STARD9: variants seen among roughly 807,000 people sequenced by gnomAD.
STARD9 encodes the protein stAR-related lipid transfer protein 9.
STARD9 carries 346 observed loss-of-function variants against 399.8 expected under a neutral mutation model. The observed-to-expected ratio is 0.87, with a 90% confidence interval of 0.79 to 0.95. The LOEUF (loss-of-function observed/expected upper bound fraction) is 0.95. Among genes scored for constraint, STARD9 ranks in the 40% least tolerant of loss-of-function variants. The pLI, the probability that STARD9 is intolerant of heterozygous loss-of-function variation, is 0.00. For missense variants in STARD9, 5,832 were observed against 5,667.5 expected (o/e 1.03, Z -0.93); for synonymous variants, 2,203 against 2,143.5 (o/e 1.03, Z -0.77).
Position 42,699,392 on chromosome 15 carries a change from C to CTTTTTTTTTTTTTTTTTTTTTTTT in STARD9, c.13284+3532_13284+3533insTTTTTTTTTTTTTTTTTTTTTTTT, listed in dbSNP as rs34614271. Reference sequence around the variant, plus strand: ...TCTATGAGATCAACTTTTTTCTTTTCTTTTTTTTTTTTTTTTTTTTGAGAT... The same window carrying CTTTTTTTTTTTTTTTTTTTTTTTT: ...TCTATGAGATCAACTTTTTTCTTTTCTTTTTTTTTTTTTTTTTTTTTTTTTTTTTTTTTTTTTTTTTTTTGAGAT... On this transcript the variant is annotated intron_variant, in intron 26 of 32. Coordinates refer to ENST00000290607, the MANE Select transcript of STARD9 (RefSeq NM_020759.3). Among the ~76,000 whole-genome samples the CTTTTTTTTTTTTTTTTTTTTTTTT allele has an allele frequency of 3.1e-4, 35 of 113,290 alleles. 1 individual carries two copies. Among genetic ancestry groups the CTTTTTTTTTTTTTTTTTTTTTTTT allele is most frequent in the East Asian group, 1.3e-3 (5 of 3,924 alleles). 74.3% of individuals were successfully genotyped at this position (113,290 alleles called of 152,430 possible). A position where few individuals can be genotyped will look rare whatever the true frequency, so the allele number is the denominator to read the frequency against.
intron 7 of STARD9, among the ~76,000 whole-genome samples, chr15:42,643,001 G>C (rs963801413): frequency 2.0e-5 from 3 of 150,506 alleles, no homozygotes; most frequent in African/African-American, 7.3e-5. Context: ...ATGGAGTCTA[G>C]CTATGTTGCC....
rs140942120 is a variant in STARD9, at chr15:42,592,854, C to G, written c.234+7217C>G. On this transcript the variant is annotated intron_variant, in intron 3 of 32. Coordinates refer to ENST00000290607, the MANE Select transcript of STARD9 (RefSeq NM_020759.3). ...TCTTCAAAATTGGCCTGTATTTTTT[C>G]TGGCTTGAATCTGTATTAAAGTCAA... 4.9e-3 allele frequency among the ~76,000 whole-genome samples: 739 copies of G among 152,260 alleles called. 4 individuals carry two copies. The highest frequency in any genetic ancestry group is 0.034 in the Middle Eastern group (10 of 294).
intron 20 of STARD9, among the ~76,000 whole-genome samples, chr15:42,677,551 T>C (rs757899628): frequency 6.6e-6 from 1 of 152,200 alleles, no homozygotes; most frequent in Non-Finnish European, 1.5e-5. Flanking sequence ...TTGGGAAGAC[T>C]CTTTGAAGAT....
intron 1 of STARD9, among the ~76,000 whole-genome samples, chr15:42,579,827 A>G (rs1372417614): frequency 1.3e-5 from 2 of 152,148 alleles, no homozygotes; most frequent in Non-Finnish European, 2.9e-5. Context: ...AAAAATGACT[A>G]CTGAGACTGG....
At chr15:42,586,516 T>G (rs2058280796) in intron 3 of STARD9, among the ~76,000 whole-genome samples, 2 of 152,332 alleles carry the variant, frequency 1.3e-5, no homozygotes, top group South Asian at 4.1e-4. Context: ...TTAAAGGCCA[T>G]GTACTCAGAC....
At chr15:42,662,429 T>C (rs1278605392) in intron 10 of STARD9, among the ~76,000 whole-genome samples, 1 of 152,172 alleles carries the variant, frequency 6.6e-6, no homozygotes, top group Non-Finnish European at 1.5e-5. Context: ...TGTTGTCAGC[T>C]AACGGCACAA....
intron 3 of STARD9, among the ~76,000 whole-genome samples, chr15:42,616,045 T>C (rs555851843): frequency 1.6e-3 from 246 of 152,212 alleles, no homozygotes; most frequent in Non-Finnish European, 3.0e-3. Context: ...CATTGTATTT[T>C]TTTTTTCGCT....
intron 3 of STARD9, among the ~76,000 whole-genome samples, chr15:42,598,656 C>T (rs755303323): frequency 5.9e-5 from 9 of 152,044 alleles, no homozygotes; most frequent in Non-Finnish European, 1.2e-4. Context: ...CTGTCATGAT[C>T]AAATCAGGGT....
At chr15:42,674,713 T>C in intron 17 of STARD9, 114 bp from the exon 18 acceptor site, 1 of 1,409,280 alleles carries the variant, frequency 7.1e-7, no homozygotes, top group South Asian at 1.5e-5. Context: ...GCTCTTCCTC[T>C]TTTATTATGG....
intron 26 of STARD9, among the ~76,000 whole-genome samples, chr15:42,712,097 A>AATATATAATATATAAT: frequency 4.9e-3 from 1 of 206 alleles, no homozygotes; most frequent in South Asian, 0.25. Flanking sequence ...ATATATATAT[A>AATATATAATATATAAT]ATATATAATA....
At chr15:42,607,723 T>C (rs1015244551) in intron 3 of STARD9, among the ~76,000 whole-genome samples, 1 of 151,860 alleles carries the variant, frequency 6.6e-6, no homozygotes, top group African/African-American at 2.4e-5. Context: ...CTATATTGTT[T>C]TACAGGTTTT....
At chr15:42,599,690 C>G (rs1440234547) in intron 3 of STARD9, among the ~76,000 whole-genome samples, 1 of 152,188 alleles carries the variant, frequency 6.6e-6, no homozygotes, top group Non-Finnish European at 1.5e-5. Context: ...TAGGTCTCAT[C>G]TATCTTTGAA....
intron 7 of STARD9, among the ~76,000 whole-genome samples, chr15:42,643,810 C>T (rs946993307): frequency 3.3e-5 from 5 of 152,158 alleles, no homozygotes; most frequent in African/African-American, 1.2e-4. Context: ...ATGACTTTAG[C>T]TGTATTGCAC....
rs1335122039 is a variant in STARD9 at position 42,637,898 on chromosome 15, G to A, written c.352-9G>A. ...AAACAATAATGCTTTCCTTTCTTCT[G>A]TTCACCAGGCCTCTGTTGGGTTGAC... On this transcript the variant is annotated splice_polypyrimidine_tract_variant and intron_variant, in intron 4 of 32. Coordinates refer to ENST00000290607, the MANE Select transcript of STARD9 (RefSeq NM_020759.3). The A allele has an allele frequency of 6.5e-7, 1 of 1,537,162 alleles. No homozygotes were observed. Among genetic ancestry groups the A allele is most frequent in the Admixed American group, 2.0e-5 (1 of 50,988 alleles).
At chr15:42,717,699 T>C in intron 28 of STARD9, 32 bp from the exon 29 acceptor site, 2 of 1,533,872 alleles carry the variant, frequency 1.3e-6, no homozygotes, top group South Asian at 2.4e-5. Flanking sequence ...TTACTGTGCC[T>C]CCTAATTTGG....
chr15:42,592,513 T>C (rs1595594173), intron 3 of STARD9, among the ~76,000 whole-genome samples: 1 of 152,236 alleles, frequency 6.6e-6, no homozygotes, highest in East Asian at 1.9e-4. Context: ...GGTGCGATCT[T>C]AGCTCACTGC....
chr15:42,689,333 A>AAC lies in STARD9; in HGVS notation c.7755_7756insAC (p.Cys2586ThrfsTer15). 1 of 1,537,116 alleles carries AAC rather than the reference A, an allele frequency of 6.5e-7. No homozygotes were observed. The highest frequency in any genetic ancestry group is 2.0e-5 in the Admixed American group (1 of 50,976). On this transcript the variant is annotated frameshift_variant, in exon 23 of 33. Coordinates refer to ENST00000290607, the MANE Select transcript of STARD9 (RefSeq NM_020759.3). LOFTEE classifies it high-confidence loss of function. ...ACTGTGAAACTTTACTAGAACCCGAATGTTCTTCAAGGGTTGCTGGCAGGC... is the reference window on the plus strand; with the variant it reads ...ACTGTGAAACTTTACTAGAACCCGAAACTGTTCTTCAAGGGTTGCTGGCAGGC...
intron 3 of STARD9, among the ~76,000 whole-genome samples, chr15:42,595,504 C>G (rs1265950698): frequency 6.6e-6 from 1 of 152,168 alleles, no homozygotes; most frequent in Non-Finnish European, 1.5e-5. Context: ...GTATGACTGA[C>G]AAGATAGGAC....
chr15:42,645,597 G>C (rs1307799139), intron 7 of STARD9, among the ~76,000 whole-genome samples: 1 of 149,502 alleles, frequency 6.7e-6, no homozygotes. Flanking sequence ...GGAGGGTCTT[G>C]CTCTGTCACC....
Sources: gnomAD v4.1 joint callset for allele counts (sites outside exome capture counted in the v4.1 genomes callset) on GRCh38, gnomAD v4.1.1 for gene constraint, MANE v1.5 for transcripts, NCBI Gene and HGNC (gene_info 2026-07-23, HGNC 2026-07-21) for gene names.